The following NISCH variants were observed in gnomAD, a reference collection of about 807,000 sequenced individuals.
The protein encoded by NISCH is I-1 receptor candidate protein.
Under a neutral mutation model 138.4 loss-of-function variants are expected in NISCH, and 55 were observed. The ratio of observed to expected loss-of-function variants is 0.40; its 90% CI spans 0.32 to 0.50. The LOEUF (loss-of-function observed/expected upper bound fraction) is 0.50, where lower values mean the gene tolerates loss of function less well. Among genes scored for constraint, NISCH ranks in the 20% least tolerant of loss-of-function variants. The pLI is 0.71. For synonymous variants in NISCH, 860 were observed against 861.5 expected (o/e 1.00, Z 0.03); for missense variants, 1,643 against 2,005.5 (o/e 0.82, Z 3.45).
Position 52,479,736 on chromosome 3 carries a change from C to T in NISCH, c.1303-13C>T, listed in dbSNP as rs746026473. ...CAGTCCCCATGCTGATAGCCACTTT[C>T]TGGATGCTCTAGGTCTGTCTGGATG... is the stretch of plus-strand genomic sequence containing the variant. On this transcript the variant is annotated splice_polypyrimidine_tract_variant and intron_variant, in intron 11 of 20. Transcript: ENST00000345716. 2 of 1,600,024 alleles carry T rather than the reference C, an allele frequency of 1.2e-6. No individual in the cohort carries two copies. The highest frequency in any genetic ancestry group is 1.7e-6 in the Non-Finnish European group (2 of 1,171,132).
chr3:52,467,277 G>A (rs928052463), intron 3 of NISCH, among the ~76,000 whole-genome samples: 2 of 151,996 alleles, frequency 1.3e-5, no homozygotes, highest in Non-Finnish European at 2.9e-5. Context: ...CTGGGATGAT[G>A]GGTGAGCCAT....
chr3:52,457,238 C>T (rs1392753685), intron 1 of NISCH, among the ~76,000 whole-genome samples: 36 of 152,222 alleles, frequency 2.4e-4, no homozygotes, highest in Admixed American at 2.4e-3. Flanking sequence ...CCTTCCTTAA[C>T]CTCTAGGCCA....
At position 52,480,173 on chromosome 3, in the gene NISCH, C is replaced by T; in HGVS notation, c.1417-11C>T. 3.1e-6 allele frequency: 5 copies of T among 1,613,790 alleles called. No homozygotes were observed. The highest frequency in any genetic ancestry group is 1.1e-5 in the South Asian group (1 of 91,082). On this transcript the variant is annotated splice_polypyrimidine_tract_variant and intron_variant, in intron 12 of 20. Coordinates refer to ENST00000345716, the MANE Select transcript of NISCH (RefSeq NM_007184.4). ...CTTCTCTCCCGGGCTGACTCAAGCACTCGTCCTCAGGGTGGTGAAGACTCC... is the reference window on the plus strand; with the variant it reads ...CTTCTCTCCCGGGCTGACTCAAGCATTCGTCCTCAGGGTGGTGAAGACTCC...
At chr3:52,477,756 G>A (rs983341571) in intron 9 of NISCH, 114 bp downstream of exon 9, 23 of 843,580 alleles carry the variant, frequency 2.7e-5, no homozygotes, top group Non-Finnish European at 4.0e-5. Context: ...GGCAGGGGTT[G>A]CTGTCTTCGC....
rs17052198 is a variant in NISCH, at chr3:52,480,157, C to T, written c.1417-27C>T. 6.6e-4 allele frequency: 1,057 copies of T among 1,613,104 alleles called. 19 individuals are homozygous for T. The East Asian group carries it at 0.016, about 25-fold the overall frequency. On this transcript the variant is annotated intron_variant, in intron 12 of 20. Coordinates refer to ENST00000345716, the MANE Select transcript of NISCH (RefSeq NM_007184.4). ...GAGCTCTGTGCTTCCTCTTCTCTCC[C>T]GGGCTGACTCAAGCACTCGTCCTCA...
intron 3 of NISCH, among the ~76,000 whole-genome samples, chr3:52,468,775 G>A (rs949387094): frequency 2.6e-5 from 4 of 151,916 alleles, no homozygotes; most frequent in Non-Finnish European, 4.4e-5. Flanking sequence ...AGTTATTCTC[G>A]TGCTGTATAT....
chr3:52,483,355 C>T (rs564041008), intron 13 of NISCH, among the ~76,000 whole-genome samples: 2 of 152,280 alleles, frequency 1.3e-5, no homozygotes, highest in South Asian at 4.1e-4. Context: ...CGATGCTGGG[C>T]TGTGGAGGTA....
intron 3 of NISCH, among the ~76,000 whole-genome samples, chr3:52,465,987 T>A (rs918884057): frequency 1.3e-5 from 2 of 152,242 alleles, no homozygotes; most frequent in African/African-American, 4.8e-5. Context: ...TAAAGTTAGT[T>A]GGCTAGAACA....
At chr3:52,455,852 C>A in intron 1 of NISCH, 118 bp downstream of exon 1, 1 of 684,888 alleles carries the variant, frequency 1.5e-6, no homozygotes. Context: ...GAAGGGTCTG[C>A]GATTGCGAGG....
At chr3:52,472,587 G>T (rs1374112332) in intron 6 of NISCH, among the ~76,000 whole-genome samples, 189 bp downstream of exon 6, 1 of 152,248 alleles carries the variant, frequency 6.6e-6, no homozygotes, top group Non-Finnish European at 1.5e-5. Flanking sequence ...TCCCTGGCTG[G>T]TCTGCACACA....
At chr3:52,480,401 G>T (rs1331582978) in intron 13 of NISCH, 106 bp downstream of exon 13, 2 of 1,556,186 alleles carry the variant, frequency 1.3e-6, no homozygotes, top group African/African-American at 1.4e-5. Flanking sequence ...TTCCAACAGG[G>T]TCAGACACAG....
chr3:52,476,114 G>T (rs1199154523), intron 7 of NISCH, among the ~76,000 whole-genome samples: 1 of 152,212 alleles, frequency 6.6e-6, no homozygotes, highest in Non-Finnish European at 1.5e-5. Flanking sequence ...CTCCAGCCTG[G>T]GTGACAGAGC....
chr3:52,461,528 A>G (rs1706631327), intron 3 of NISCH, among the ~76,000 whole-genome samples: 1 of 152,190 alleles, frequency 6.6e-6, no homozygotes, highest in South Asian at 2.1e-4. Context: ...TCCTTATGCA[A>G]GTCTTTCAGA....
intron 6 of NISCH, among the ~76,000 whole-genome samples, chr3:52,473,295 T>A (rs944361069): frequency 1.3e-5 from 2 of 152,142 alleles, no homozygotes; most frequent in Non-Finnish European, 2.9e-5. Flanking sequence ...GGCAGGTGGC[T>A]TGGGGAGTGT....
intron 3 of NISCH, among the ~76,000 whole-genome samples, chr3:52,459,434 C>T (rs531318089): frequency 6.6e-6 from 1 of 152,258 alleles, no homozygotes; most frequent in Admixed American, 6.5e-5. Flanking sequence ...AGTGTGAAAC[C>T]ACAATATTTG....
chr3:52,458,777 A>AT lies in NISCH; in HGVS notation c.293_294insT (p.Lys98AsnfsTer24). 6.2e-7 allele frequency: 1 copy of AT among 1,612,950 alleles called. No homozygotes were observed. Among genetic ancestry groups the AT allele is most frequent in the Non-Finnish European group, 8.5e-7 (1 of 1,179,746 alleles). ...AAGGATCTGGAGGTCTACCTCCAGA[A>AT]GCTCCTGGCTGCCTTCCCTGGCGTG... On this transcript the variant is annotated frameshift_variant, in exon 3 of 21. Transcript: ENST00000345716. LOFTEE classifies it high-confidence loss of function.
rs972319223 is a variant in NISCH at position 52,463,651 on chromosome 3, G to A, written c.360+4807G>A. On this transcript the variant is annotated intron_variant, in intron 3 of 20. Coordinates refer to ENST00000345716, the MANE Select transcript of NISCH (RefSeq NM_007184.4). The stretch of plus-strand genomic sequence containing the variant: ...TTAAATCTTAGTTGTTCTGGTGGGT[G>A]TGAAGTGGTATCTCATTGTGGTTTT... Among the ~76,000 whole-genome samples the A allele has an allele frequency of 3.4e-5, 5 of 148,124 alleles. No homozygotes were observed. The East Asian group carries it at 9.8e-4, about 29-fold the overall frequency.
At chr3:52,480,119 C>T in intron 12 of NISCH, 65 bp from the exon 13 acceptor site, 1 of 1,585,700 alleles carries the variant, frequency 6.3e-7, no homozygotes, top group Non-Finnish European at 8.6e-7. Flanking sequence ...CTCCTCACAC[C>T]CCTGGCCTTG....
intron 8 of NISCH, among the ~76,000 whole-genome samples, 188 bp from the exon 9 acceptor site, chr3:52,477,386 C>T (rs1197451885): frequency 1.4e-4 from 22 of 152,180 alleles, no homozygotes; most frequent in Admixed American, 1.4e-3. Flanking sequence ...CACTGGGGGC[C>T]CTGTGTGTGC....
Sources: gnomAD v4.1 joint callset for allele counts (sites outside exome capture counted in the v4.1 genomes callset) on GRCh38, gnomAD v4.1.1 for gene constraint, MANE v1.5 for transcripts, NCBI Gene and HGNC (gene_info 2026-07-23, HGNC 2026-07-21) for gene names.